DPYD: variants seen among roughly 807,000 people sequenced by gnomAD.
The protein encoded by DPYD is dihydropyrimidine dehydrogenase.
Under a neutral mutation model 116.2 loss-of-function variants are expected in DPYD, and 109 were observed. The ratio of observed to expected loss-of-function variants is 0.94; its 90% CI spans 0.80 to 1.10. The LOEUF is 1.10. Among genes scored for constraint, DPYD ranks in the 50% least tolerant of loss-of-function variants. The pLI is 0.00. For synonymous variants in DPYD, 440 were observed against 432.0 expected (o/e 1.02, Z -0.23); for missense variants, 1,302 against 1,254.5 (o/e 1.04, Z -0.57).
intron 8 of DPYD, among the ~76,000 whole-genome samples, chr1:97,659,146 G>A (rs1431595168): frequency 2.0e-5 from 3 of 152,006 alleles, no homozygotes; most frequent in African/African-American, 7.2e-5. Flanking sequence ...CACTACTTAT[G>A]TTATTACCAT....
At chr1:97,525,307 T>C (rs1648971725) in intron 12 of DPYD, among the ~76,000 whole-genome samples, 1 of 151,972 alleles carries the variant, frequency 6.6e-6, no homozygotes, top group Non-Finnish European at 1.5e-5. Context: ...AATGGTATAA[T>C]GGAAATTGGC....
At chr1:97,914,380 T>C (rs1674116270) in intron 1 of DPYD, among the ~76,000 whole-genome samples, 2 of 152,188 alleles carry the variant, frequency 1.3e-5, no homozygotes, top group South Asian at 2.1e-4. Flanking sequence ...ATGAGTTTAC[T>C]CCAGTTAGCA....
At chr1:97,146,593 T>G (rs1654649988) in intron 20 of DPYD, among the ~76,000 whole-genome samples, 1 of 152,246 alleles carries the variant, frequency 6.6e-6, no homozygotes, top group African/African-American at 2.4e-5. Context: ...ATAAAATGAT[T>G]GTTAAATCTA....
chr1:97,920,204 G>A (rs993646311), intron 1 of DPYD, among the ~76,000 whole-genome samples: 2 of 152,090 alleles, frequency 1.3e-5, no homozygotes, highest in South Asian at 2.1e-4. Context: ...GTCGTTTCAG[G>A]TAGGACCTTA....
intron 2 of DPYD, among the ~76,000 whole-genome samples, chr1:97,879,875 A>G (rs1176151607): frequency 6.6e-6 from 1 of 151,840 alleles, no homozygotes; most frequent in Non-Finnish European, 1.5e-5. Flanking sequence ...TGCTTCGAGC[A>G]CCAAAGAAAT....
At chr1:97,085,240 T>G (rs1274757827) in intron 21 of DPYD, among the ~76,000 whole-genome samples, 1 of 152,198 alleles carries the variant, frequency 6.6e-6, no homozygotes, top group Non-Finnish European at 1.5e-5. Context: ...TCAATAAATA[T>G]TCAAATGATG....
chr1:97,257,084 C>A (rs921356914), intron 18 of DPYD, among the ~76,000 whole-genome samples: 5 of 151,774 alleles, frequency 3.3e-5, no homozygotes, highest in Admixed American at 6.6e-5. Flanking sequence ...TTTTAACATA[C>A]CACAATGGAA....
chr1:97,631,279 A>G (rs532770985), intron 8 of DPYD, among the ~76,000 whole-genome samples: 2 of 152,234 alleles, frequency 1.3e-5, no homozygotes, highest in Non-Finnish European at 2.9e-5. Flanking sequence ...TCTGACTAGC[A>G]AAATTGAAAG....
intron 1 of DPYD, among the ~76,000 whole-genome samples, chr1:97,918,053 T>C (rs1023964038): frequency 8.5e-5 from 13 of 152,328 alleles, no homozygotes; most frequent in Admixed American, 2.6e-4. Context: ...AAAGTCATCG[T>C]TGACAAAATT....
At chr1:97,671,840 C>T (rs1557873841) in intron 8 of DPYD, among the ~76,000 whole-genome samples, 1 of 151,724 alleles carries the variant, frequency 6.6e-6, no homozygotes, top group Non-Finnish European at 1.5e-5. Flanking sequence ...CTATAAATGA[C>T]ATATATTTCA....
intron 3 of DPYD, among the ~76,000 whole-genome samples, chr1:97,793,165 A>C (rs142459471): frequency 6.6e-6 from 1 of 152,174 alleles, no homozygotes; most frequent in Non-Finnish European, 1.5e-5. Context: ...ACTATTCCTA[A>C]GTTTTAAAAT....
chr1:97,392,442 A>G (rs1431358429), intron 14 of DPYD, among the ~76,000 whole-genome samples: 1 of 151,592 alleles, frequency 6.6e-6, no homozygotes, highest in Non-Finnish European at 1.5e-5. Context: ...GTGGCATCGA[A>G]TTCCTGGGTG....
intron 19 of DPYD, among the ~76,000 whole-genome samples, chr1:97,227,331 C>CAAAAAAAAAAAAAAAA (rs60992225): frequency 2.1e-3 from 55 of 26,312 alleles, no homozygotes; most frequent in Non-Finnish European, 2.7e-3. Flanking sequence ...GACTCTATCT[C>CAAAAAAAAAAAAAAAA]AAAAAAAAAA....
rs71071633 is a variant in DPYD at position 97,130,751 on chromosome 1, CCCTTCCTT to C, written c.2623-32127_2623-32120del. Among the ~76,000 whole-genome samples, 914 of 105,754 alleles carry C rather than the reference CCCTTCCTT, an allele frequency of 8.6e-3. 17 individuals are homozygous for C. Among genetic ancestry groups the C allele is most frequent in the African/African-American group, 0.027 (525 of 19,696 alleles). 69.4% of individuals were successfully genotyped at this position (105,754 alleles called of 152,430 possible). A position where few individuals can be genotyped will look rare whatever the true frequency, so the allele number is the denominator to read the frequency against. ...CTTTCTTCCTTTCTTTCTTCTTTCTCCCTTCCTTCCTTCCTTCCTTCCTTCCTTTCCTT... is the reference window on the plus strand; with the variant it reads ...CTTTCTTCCTTTCTTTCTTCTTTCTCCCTTCCTTCCTTCCTTCCTTTCCTT... On this transcript the variant is annotated intron_variant, in intron 20 of 22. Transcript: ENST00000370192.
At chr1:97,241,135 T>A (rs1662310057) in intron 18 of DPYD, among the ~76,000 whole-genome samples, 1 of 152,114 alleles carries the variant, frequency 6.6e-6, no homozygotes, top group African/African-American at 2.4e-5. Context: ...TTCATAGCTA[T>A]GTTTTTCTGC....
At chr1:97,272,641 C>T (rs963722730) in intron 18 of DPYD, among the ~76,000 whole-genome samples, 4 of 152,060 alleles carry the variant, frequency 2.6e-5, no homozygotes, top group South Asian at 2.1e-4. Flanking sequence ...AGAACAAGTA[C>T]GTTACACATC....
At chr1:97,308,038 T>G (rs1667271400) in intron 16 of DPYD, among the ~76,000 whole-genome samples, 1 of 151,880 alleles carries the variant, frequency 6.6e-6, no homozygotes, top group Admixed American at 6.6e-5. Flanking sequence ...AAATATTATT[T>G]GGTTCCAATA....
intron 3 of DPYD, among the ~76,000 whole-genome samples, chr1:97,768,404 T>A (rs1034231469): frequency 6.6e-6 from 1 of 152,174 alleles, no homozygotes; most frequent in Non-Finnish European, 1.5e-5. Flanking sequence ...AAATACACTT[T>A]TTTGCAAGCA....
chr1:97,754,326 A>C (rs1665105112), intron 3 of DPYD, among the ~76,000 whole-genome samples: 1 of 152,228 alleles, frequency 6.6e-6, no homozygotes, highest in African/African-American at 2.4e-5. Flanking sequence ...CAATAAAATT[A>C]GCTGTCTACA....
Sources: gnomAD v4.1 joint callset for allele counts (sites outside exome capture counted in the v4.1 genomes callset) on GRCh38, gnomAD v4.1.1 for gene constraint, MANE v1.5 for transcripts, NCBI Gene and HGNC (gene_info 2026-07-23, HGNC 2026-07-21) for gene names.